NRXN2: variants seen among roughly 807,000 people sequenced by gnomAD.
The protein encoded by NRXN2 is neurexin-2-beta.
Under a neutral mutation model 128.8 loss-of-function variants are expected in NRXN2, and 29 were observed. The observed-to-expected ratio is 0.23, with a 90% confidence interval of 0.17 to 0.31. The LOEUF is 0.31. Among genes scored for constraint, NRXN2 ranks in the 10% least tolerant of loss-of-function variants. The pLI, the probability that NRXN2 is intolerant of heterozygous loss-of-function variation, is 1.00. For synonymous variants in NRXN2, 1,098 were observed against 1,075.2 expected (o/e 1.02, Z -0.41); for missense variants, 1,881 against 2,452.6 (o/e 0.77, Z 4.92).
intron 19 of NRXN2, among the ~76,000 whole-genome samples, chr11:64,627,335 GC>G (rs1177383021): frequency 2.6e-5 from 4 of 151,722 alleles, no homozygotes; most frequent in Non-Finnish European, 5.9e-5. Flanking sequence ...TCATCCAGCA[GC>G]CCCCTTCCCC....
intron 3 of NRXN2, among the ~76,000 whole-genome samples, chr11:64,695,552 C>G (rs1049870044): frequency 6.6e-6 from 1 of 152,032 alleles, no homozygotes; most frequent in Non-Finnish European, 1.5e-5. Context: ...CCTGCTAAAC[C>G]CACCTCCCCA....
intron 11 of NRXN2, among the ~76,000 whole-genome samples, chr11:64,655,341 G>T (rs968174524): frequency 2.0e-5 from 3 of 152,210 alleles, no homozygotes; most frequent in African/African-American, 7.2e-5. Context: ...AAGTCTCAGT[G>T]AGAGGAATGA....
At chr11:64,674,349 C>A (rs189142223) in intron 7 of NRXN2, among the ~76,000 whole-genome samples, 1 of 152,228 alleles carries the variant, frequency 6.6e-6, no homozygotes, top group Admixed American at 6.5e-5. Context: ...CACCACCACA[C>A]CCAGCTATTT....
intron 6 of NRXN2, among the ~76,000 whole-genome samples, chr11:64,681,506 G>T (rs2052286203): frequency 6.6e-6 from 1 of 152,184 alleles, no homozygotes; most frequent in African/African-American, 2.4e-5. Flanking sequence ...GAAGAAGGTG[G>T]CATTTAAGCT....
intron 7 of NRXN2, among the ~76,000 whole-genome samples, chr11:64,672,960 T>C (rs770162051): frequency 1.6e-4 from 24 of 152,178 alleles, no homozygotes; most frequent in Non-Finnish European, 3.2e-4. Context: ...CTTTATCCTT[T>C]TCCAGAACAA....
intron 7 of NRXN2, among the ~76,000 whole-genome samples, chr11:64,674,289 C>T: frequency 6.6e-6 from 1 of 152,144 alleles, no homozygotes; most frequent in Non-Finnish European, 1.5e-5. Context: ...TTCCCAGGTT[C>T]AAGCAATCCT....
Position 64,685,909 on chromosome 11 carries a change from A to G in NRXN2, c.889T>C (p.Phe297Leu), listed in dbSNP as rs1413908549. The part of the protein sequence containing the change: ...EFVATFKGNE[F>L]FCYDLSHNPI... ...TTGTGTGACAGGTCGTAGCAGAAGA[A>G]CTCATTGCCTTTGAAGGTCGCCACA... The change falls in exon 6 of 23, where the codon TTC (phenylalanine) becomes CTC (leucine). Residue 297 changes from phenylalanine (F) to leucine (L), a missense_variant. Transcript: ENST00000265459. The G allele has an allele frequency of 6.2e-7, 1 of 1,613,884 alleles. No homozygotes were observed. Among genetic ancestry groups the G allele is most frequent in the Admixed American group, 1.7e-5 (1 of 59,990 alleles).
intron 6 of NRXN2, among the ~76,000 whole-genome samples, chr11:64,679,102 C>T (rs2051778299): frequency 6.6e-6 from 1 of 152,056 alleles, no homozygotes; most frequent in African/African-American, 2.4e-5. Context: ...AATGAAGAGG[C>T]CAACTAGTCA....
chr11:64,684,562 C>T (rs1269178277), intron 6 of NRXN2, among the ~76,000 whole-genome samples: 2 of 151,958 alleles, frequency 1.3e-5, no homozygotes, highest in African/African-American at 4.8e-5. Context: ...AGAGGTATCC[C>T]CACTAGATCA....
chr11:64,701,226 CTT>C (rs1458446293), intron 2 of NRXN2, among the ~76,000 whole-genome samples: 1 of 152,200 alleles, frequency 6.6e-6, no homozygotes, highest in Non-Finnish European at 1.5e-5. Flanking sequence ...CTCTTCAAAG[CTT>C]TTCAGTGCCT....
intron 1 of NRXN2, among the ~76,000 whole-genome samples, chr11:64,721,992 G>A (rs188747976): frequency 1.3e-5 from 2 of 152,132 alleles, no homozygotes; most frequent in East Asian, 3.9e-4. Context: ...TTCAGGAGGG[G>A]GGTGAGAGTA....
At chr11:64,698,698 T>G (rs989891540) in intron 2 of NRXN2, among the ~76,000 whole-genome samples, 1 of 152,206 alleles carries the variant, frequency 6.6e-6, no homozygotes, top group African/African-American at 2.4e-5. Context: ...ACCTCACCTA[T>G]TAGGGCCCTG....
chr11:64,668,150 T>A (rs1347764430), intron 8 of NRXN2, among the ~76,000 whole-genome samples: 1 of 151,986 alleles, frequency 6.6e-6, no homozygotes, highest in Admixed American at 6.6e-5. Flanking sequence ...AGTGGAAGAG[T>A]TGGGACTCAA....
rs550406724 is a variant in NRXN2 at position 64,707,304 on chromosome 11, G to C, written c.730+5666C>G. Among the ~76,000 whole-genome samples, 21 of 151,698 alleles carry C rather than the reference G, an allele frequency of 1.4e-4. No homozygotes were observed. In the East Asian group the frequency reaches 3.5e-3, roughly 25 times the overall value. ...CAGGAGGACGAGGCAGGAGAATGGC[G>C]TGAACCCGGGAGGCAGAGCTTGCAG... On this transcript the variant is annotated intron_variant, in intron 2 of 22. Coordinates refer to ENST00000265459, the MANE Select transcript of NRXN2 (RefSeq NM_015080.4).
intron 7 of NRXN2, among the ~76,000 whole-genome samples, chr11:64,673,994 C>T (rs559870992): frequency 7.1e-4 from 106 of 149,328 alleles, no homozygotes; most frequent in African/African-American, 2.6e-3. Flanking sequence ...GCCGAGATCG[C>T]GCCACTTCAC....
Position 64,651,620 on chromosome 11 carries a change from G to A in NRXN2, c.2553C>T (p.Ala851=). ...NVTVEGQMAG[A]HMRLEFHNIE... ...TGTTGTGGAACTCCAGCCGCATATG[G>A]GCTCCTGCCATCTGTCCTGCTCAGG... is the stretch of plus-strand genomic sequence containing the variant. The change falls in exon 14 of 23, where the codon GCC becomes GCT. Residue 851 remains alanine (A), a synonymous_variant. Transcript: ENST00000265459. This position sits in a 1 kb window ranked among gnomAD's most constrained non-coding sequence, Gnocchi z 5.9. 6.2e-7 allele frequency: 1 copy of A among 1,613,958 alleles called. No individual in the cohort carries two copies. The highest frequency in any genetic ancestry group is 8.5e-7 in the Non-Finnish European group (1 of 1,179,988).
rs1266512056 is a variant in NRXN2 at position 64,630,147 on chromosome 11, A to G, written c.3757+255T>C. Among the ~76,000 whole-genome samples the G allele has an allele frequency of 7.7e-6, 1 of 129,180 alleles. No individual in the cohort carries two copies. Among genetic ancestry groups the G allele is most frequent in the Non-Finnish European group, 1.6e-5 (1 of 61,462 alleles). 84.7% of individuals were successfully genotyped at this position (129,180 alleles called of 152,430 possible). On this transcript the variant is annotated intron_variant, in intron 19 of 22. Coordinates refer to ENST00000265459, the MANE Select transcript of NRXN2 (RefSeq NM_015080.4). The surrounding 1 kb of genome is among the most constrained non-coding windows in gnomAD (Gnocchi z 4.6). ...CCTGGCCTTGCAACCTTCCCAGCTC[A>G]GCCCTGCACCCTCCCCCATAGGGGG... is the stretch of plus-strand genomic sequence containing the variant.
chr11:64,653,536 A>G (rs543112574), intron 12 of NRXN2, among the ~76,000 whole-genome samples, 160 bp downstream of exon 12: 2 of 150,566 alleles, frequency 1.3e-5, no homozygotes, highest in South Asian at 2.1e-4. Flanking sequence ...CAACCACCCA[A>G]CCTCACCCTC....
intron 6 of NRXN2, among the ~76,000 whole-genome samples, chr11:64,683,771 G>A (rs2052635054): frequency 6.6e-6 from 1 of 152,150 alleles, no homozygotes; most frequent in Non-Finnish European, 1.5e-5. Context: ...TGAGACTTCT[G>A]GTAGAACAAT....
Sources: gnomAD v4.1 joint callset for allele counts (sites outside exome capture counted in the v4.1 genomes callset) on GRCh38, gnomAD v4.1.1 for gene constraint, Gnocchi (gnomAD v3.1) non-coding constraint, MANE v1.5 for transcripts, NCBI Gene and HGNC (gene_info 2026-07-23, HGNC 2026-07-21) for gene names.